Variants in NEURL4 observed in about 807,000 individuals in gnomAD.
NEURL4 encodes the protein neuralized E3 ubiquitin protein ligase 4.
In NEURL4, 45 loss-of-function variants were observed where a neutral mutation model predicts 148.0. That is an observed-to-expected ratio of 0.30 (90% confidence interval 0.24 to 0.39). The LOEUF (loss-of-function observed/expected upper bound fraction) is 0.39, where lower values mean the gene tolerates loss of function less well. Ranked by LOEUF, NEURL4 falls within the 10% of genes least tolerant of loss-of-function variation. The pLI is 1.00. For synonymous variants in NEURL4, 854 were observed against 869.0 expected (o/e 0.98, Z 0.30); for missense variants, 1,776 against 2,144.0 (o/e 0.83, Z 3.39).
Position 7,324,872 on chromosome 17 carries a change from G to A in NEURL4, c.1740C>T (p.Ser580=), listed in dbSNP as rs1411709235. ...IDKMVDKWAG[S]IEIGVTTHNP... is the part of the protein sequence containing the mutation. ...TGTGGGTGGTGACACCAATTTCAAT[G>A]GAGCCAGCCCATTTGTCCACCATCT... Residue 580 remains serine, a synonymous_variant, in exon 9 of 29, where the codon TCC becomes TCT. Coordinates refer to ENST00000399464, the MANE Select transcript of NEURL4 (RefSeq NM_032442.3). The surrounding 1 kb of genome is among the most constrained non-coding windows in gnomAD (Gnocchi z 5.9). 4 of 1,614,054 alleles carry A rather than the reference G, an allele frequency of 2.5e-6. No homozygotes were observed. In the East Asian group the frequency reaches 8.9e-5, roughly 36 times the overall value.
intron 28 of NEURL4, among the ~76,000 whole-genome samples, chr17:7,316,581 C>G (rs1422920762): frequency 1.3e-5 from 2 of 152,364 alleles, no homozygotes; most frequent in Non-Finnish European, 2.9e-5. Flanking sequence ...GCACTGCTGT[C>G]TCCGCCCCAT....
rs2143013590 is a variant in NEURL4, at chr17:7,327,304, C to A, written c.728-74G>T. 6.8e-7 allele frequency: 1 copy of A among 1,479,680 alleles called. No homozygotes were observed. Among genetic ancestry groups the A allele is most frequent in the Non-Finnish European group, 9.1e-7 (1 of 1,101,320 alleles). 91.7% of individuals were successfully genotyped at this position (1,479,680 alleles called of 1,614,324 possible). Reference sequence around the variant, plus strand: ...CACGGCCCATAGCCAGGAGAACCCCCCATCCTCTAGCTCCTGCTCTCCCAT... The same window carrying A: ...CACGGCCCATAGCCAGGAGAACCCCACATCCTCTAGCTCCTGCTCTCCCAT... On this transcript the variant is annotated intron_variant, in intron 2 of 28. Coordinates refer to ENST00000399464, the MANE Select transcript of NEURL4 (RefSeq NM_032442.3). The surrounding 1 kb of genome is among the most constrained non-coding windows in gnomAD (Gnocchi z 6.6).
Position 7,318,039 on chromosome 17 carries a change from C to T in NEURL4, c.4060+26G>A. On this transcript the variant is annotated intron_variant, in intron 25 of 28. Coordinates refer to ENST00000399464, the MANE Select transcript of NEURL4 (RefSeq NM_032442.3). This position sits in a 1 kb window ranked among gnomAD's most constrained non-coding sequence, Gnocchi z 4.3. ...CTAGGCCTGGCCCTGGGAATGAAGTCAGTTCTGGCGGACTGTGGGACTCAC... is the reference window on the plus strand; with the variant it reads ...CTAGGCCTGGCCCTGGGAATGAAGTTAGTTCTGGCGGACTGTGGGACTCAC... The T allele has an allele frequency of 1.2e-6, 2 of 1,613,894 alleles. No homozygotes were observed. Among genetic ancestry groups the T allele is most frequent in the Non-Finnish European group, 8.5e-7 (1 of 1,179,780 alleles).
Position 7,324,760 on chromosome 17 carries a change from C to A in NEURL4, c.1813+39G>T, listed in dbSNP as rs1444527809. ...CAGGGCTTTGGGGATAGCTTCCCCC[C>A]AAAACCCTATCCTGTCCCTGCCCTT... is the stretch of plus-strand genomic sequence containing the variant. On this transcript the variant is annotated intron_variant, in intron 9 of 28. Transcript: ENST00000399464. This position sits in a 1 kb window ranked among gnomAD's most constrained non-coding sequence, Gnocchi z 5.9. 1.1e-5 allele frequency: 17 copies of A among 1,607,182 alleles called. No individual in the cohort carries two copies. The highest frequency in any genetic ancestry group is 1.4e-5 in the Non-Finnish European group (17 of 1,174,382).
In NEURL4 at chr17:7,321,472, T is replaced by G. The variant is rs1215813419; in HGVS notation, c.3100-13A>C. Reference sequence around the variant, plus strand: ...CACGGCTCCCCACCTAGGACCGAGGTAGGACAAGGACGGACGATGTTCAGC... The same window carrying G: ...CACGGCTCCCCACCTAGGACCGAGGGAGGACAAGGACGGACGATGTTCAGC... On this transcript the variant is annotated splice_polypyrimidine_tract_variant and intron_variant, in intron 18 of 28. Coordinates refer to ENST00000399464, the MANE Select transcript of NEURL4 (RefSeq NM_032442.3). The surrounding 1 kb of genome is among the most constrained non-coding windows in gnomAD (Gnocchi z 6.3). 9.3e-6 allele frequency: 15 copies of G among 1,613,532 alleles called. No homozygotes were observed. Among genetic ancestry groups the G allele is most frequent in the Non-Finnish European group, 1.1e-5 (13 of 1,179,820 alleles).
chr17:7,325,226 G>C lies in NEURL4; in HGVS notation c.1614C>G (p.Arg538=). ...GQKAAITHEG[R]TALRPHATDD... is the part of the protein sequence containing the mutation. ...GGCCATACTGGGGCCTCAGGGCAGT[G>C]CGTCCCTCGTGGGTGATGGCTGCCT... Residue 538 remains arginine, a synonymous_variant, in exon 8 of 29, where the codon CGC becomes CGG. Coordinates refer to ENST00000399464, the MANE Select transcript of NEURL4 (RefSeq NM_032442.3). 1.2e-6 allele frequency: 2 copies of C among 1,600,284 alleles called. No individual in the cohort carries two copies. Among genetic ancestry groups the C allele is most frequent in the Non-Finnish European group, 1.7e-6 (2 of 1,176,262 alleles).
Position 7,316,962 on chromosome 17 carries a change from G to A in NEURL4, c.4484+243C>T, listed in dbSNP as rs182840816. 1.3e-3 allele frequency among the ~76,000 whole-genome samples: 196 copies of A among 152,144 alleles called. 1 individual carries two copies. Among genetic ancestry groups the A allele is most frequent in the South Asian group, 8.7e-3 (42 of 4,816 alleles). On this transcript the variant is annotated intron_variant, in intron 28 of 28. Transcript: ENST00000399464. The stretch of plus-strand genomic sequence containing the variant: ...TAAATAAATAAATAATACTTATTAC[G>A]TATGAACATTGTAGAGAGAAAAGGC...
chr17:7,319,403 T>TAAAAAAAAAAAAAAAAAAAAAAAAAA lies in NEURL4; in HGVS notation c.3526-196_3526-195insTTTTTTTTTTTTTTTTTTTTTTTTTT, dbSNP rs71157274. On this transcript the variant is annotated intron_variant, in intron 21 of 28. Transcript: ENST00000399464. ...TTTTTTTTTTTTTTTTTTTTTTTTT[T>TAAAAAAAAAAAAAAAAAAAAAAAAAA]AAAAAAAAGAACCGCCAGCCGGGCA... Among the ~76,000 whole-genome samples, 3 of 131,440 alleles carry TAAAAAAAAAAAAAAAAAAAAAAAAAA rather than the reference T, an allele frequency of 2.3e-5. No homozygotes were observed. In the East Asian group the frequency reaches 6.6e-4, roughly 29 times the overall value. The allele number at this position is 131,440 out of a possible 152,430, so 86.2% of individuals were successfully genotyped here.
rs1567621644 is a variant in NEURL4 at position 7,324,020 on chromosome 17, AGT to A, written c.2063-10_2063-9del. The A allele has an allele frequency of 1.2e-6, 2 of 1,609,018 alleles. No individual in the cohort carries two copies. On this transcript the variant is annotated splice_polypyrimidine_tract_variant and intron_variant, in intron 11 of 28. Transcript: ENST00000399464. This position sits in a 1 kb window ranked among gnomAD's most constrained non-coding sequence, Gnocchi z 5.9. ...CAGGAACTGGAGCCACCTCTGTAAAAGTGGACATCACCCATCAGGTCTCTAGG... is the reference window on the plus strand; with the variant it reads ...CAGGAACTGGAGCCACCTCTGTAAAAGGACATCACCCATCAGGTCTCTAGG...
At position 7,326,759 on chromosome 17, in the gene NEURL4, A is replaced by G; in HGVS notation, c.1044T>C (p.Asn348=). Residue 348 remains asparagine (N), a synonymous_variant, in exon 4 of 29, where the codon AAT becomes AAC. Transcript: ENST00000399464. The surrounding 1 kb of genome is among the most constrained non-coding windows in gnomAD (Gnocchi z 6.0). ...ERRRPLDEFN[N]GVVMTNRPLR... The stretch of plus-strand genomic sequence containing the variant: ...GGGGGCGATTGGTCATGACAACCCC[A>G]TTGTTGAATTCATCCAGGGGCCGCC... 6.2e-7 allele frequency: 1 copy of G among 1,613,184 alleles called. No individual in the cohort carries two copies. The highest frequency in any genetic ancestry group is 8.5e-7 in the Non-Finnish European group (1 of 1,179,800).
chr17:7,323,755 A>G (rs1308480331), intron 12 of NEURL4, 32 bp from the exon 13 acceptor site: 1 of 1,613,856 alleles, frequency 6.2e-7, no homozygotes, highest in South Asian at 1.1e-5. Context: ...GAGAGGCTCT[A>G]CTTGCATGGC....
intron 1 of NEURL4, among the ~76,000 whole-genome samples, chr17:7,328,350 C>T (rs565922553): frequency 6.6e-6 from 1 of 152,374 alleles, no homozygotes; most frequent in South Asian, 2.1e-4. Flanking sequence ...CTCCCTCACC[C>T]TGGATCTTTC....
At position 7,322,760 on chromosome 17, in the gene NEURL4, C is replaced by G; in HGVS notation, c.2700G>C (p.Glu900Asp). ...CTGGGGAGTGCAGTGGGAAGGACTTCTCGGTGGCAGTGTTGCTGGTCGCCA... is the reference window on the plus strand; with the variant it reads ...CTGGGGAGTGCAGTGGGAAGGACTTGTCGGTGGCAGTGTTGCTGGTCGCCA... ...NSLATSNTATEKSFPLHSPVA... is the reference protein window; with the variant it reads ...NSLATSNTATDKSFPLHSPVA... The change falls in exon 16 of 29, where the codon GAG becomes GAC. Residue 900 changes from glutamate to aspartate, a missense_variant. Glu to Asp is a conservative substitution (Grantham distance 45). Transcript: ENST00000399464. The surrounding 1 kb of genome is among the most constrained non-coding windows in gnomAD (Gnocchi z 5.5). 1 of 1,613,144 alleles carries G rather than the reference C, an allele frequency of 6.2e-7. No homozygotes were observed. Among genetic ancestry groups the G allele is most frequent in the Non-Finnish European group, 8.5e-7 (1 of 1,180,008 alleles).
intron 13 of NEURL4, 36 bp downstream of exon 13, chr17:7,323,611 A>G: frequency 6.2e-7 from 1 of 1,613,924 alleles, no homozygotes; most frequent in Non-Finnish European, 8.5e-7. Flanking sequence ...AGGCACAGAC[A>G]TCCAACAGCC....
At position 7,324,531 on chromosome 17, in the gene NEURL4, C is replaced by T; in HGVS notation, c.1814-51G>A. 3 of 1,531,000 alleles carry T rather than the reference C, an allele frequency of 2.0e-6. No individual in the cohort carries two copies. The highest frequency in any genetic ancestry group is 2.7e-6 in the Non-Finnish European group (3 of 1,104,962). 94.8% of individuals were successfully genotyped at this position (1,531,000 alleles called of 1,614,324 possible). ...ACATGAGGGGAAATGCAGGGCTCCT[C>T]TCCTTGCCACAGCAGCGCCCACAGG... On this transcript the variant is annotated intron_variant, in intron 9 of 28. Transcript: ENST00000399464. This position sits in a 1 kb window ranked among gnomAD's most constrained non-coding sequence, Gnocchi z 5.9.
chr17:7,325,678 G>C lies in NEURL4; in HGVS notation c.1329C>G (p.Asn443Lys), dbSNP rs2073095398. ...GDHIGLTRKS[N>K]SALHFFINGI... Reference sequence around the variant, plus strand: ...CATTAATGAAGAAGTGTAGGGCAGAGTTGGACTTCCTTGTGAGGCCAATGT... The same window carrying C: ...CATTAATGAAGAAGTGTAGGGCAGACTTGGACTTCCTTGTGAGGCCAATGT... The change falls in exon 7 of 29, where the codon AAC (asparagine) becomes AAG (lysine). Residue 443 changes from asparagine (N) to lysine (K), a missense_variant. By Grantham distance (94) the Asn-to-Lys change is moderately conservative. Transcript: ENST00000399464. 1 of 1,613,790 alleles carries C rather than the reference G, an allele frequency of 6.2e-7. No individual in the cohort carries two copies. Among genetic ancestry groups the C allele is most frequent in the Admixed American group, 1.7e-5 (1 of 60,008 alleles).
In NEURL4 at chr17:7,324,305, G is replaced by T; in HGVS notation, c.1900-35C>A. ...AGGGGGTGCTGGAGTGAGGAGTCAG[G>T]CAGAGTTCCTGCCGGGGCTGGTCCT... On this transcript the variant is annotated intron_variant, in intron 10 of 28. Transcript: ENST00000399464. The surrounding 1 kb of genome is among the most constrained non-coding windows in gnomAD (Gnocchi z 5.9). 6.2e-7 allele frequency: 1 copy of T among 1,613,336 alleles called. No individual in the cohort carries two copies. Among genetic ancestry groups the T allele is most frequent in the East Asian group, 2.2e-5 (1 of 44,848 alleles).
chr17:7,324,833 G>A lies in NEURL4; in HGVS notation c.1779C>T (p.Leu593=). 6.2e-7 allele frequency: 1 copy of A among 1,614,210 alleles called. No individual in the cohort carries two copies. The highest frequency in any genetic ancestry group is 2.2e-5 in the East Asian group (1 of 44,886). ...AGTTGGTCATGGTGGAGGGCAACTG[G>A]AGGTAGGCAGGGTTGTGGGTGGTGA... The part of the protein sequence containing the change: ...IGVTTHNPAY[L]QLPSTMTNLR... Residue 593 remains leucine, a synonymous_variant, in exon 9 of 29, where the codon CTC becomes CTT. Coordinates refer to ENST00000399464, the MANE Select transcript of NEURL4 (RefSeq NM_032442.3). The surrounding 1 kb of genome is among the most constrained non-coding windows in gnomAD (Gnocchi z 5.9).
Position 7,321,535 on chromosome 17 carries a change from CT to C in NEURL4, c.3099+24del, listed in dbSNP as rs754129507. 6.2e-7 allele frequency: 1 copy of C among 1,613,458 alleles called. No homozygotes were observed. Among genetic ancestry groups the C allele is most frequent in the South Asian group, 1.1e-5 (1 of 91,032 alleles). ...GCCACCTCCACTCCCAACCCCTCCC[CT>C]GTCCCTGGAGCCAGCCACTTCACCC... On this transcript the variant is annotated intron_variant, in intron 18 of 28. Coordinates refer to ENST00000399464, the MANE Select transcript of NEURL4 (RefSeq NM_032442.3). The surrounding 1 kb of genome is among the most constrained non-coding windows in gnomAD (Gnocchi z 6.3).
Sources: gnomAD v4.1 joint callset for allele counts (sites outside exome capture counted in the v4.1 genomes callset) on GRCh38, gnomAD v4.1.1 for gene constraint, Gnocchi (gnomAD v3.1) non-coding constraint, MANE v1.5 for transcripts, NCBI Gene and HGNC (gene_info 2026-07-23, HGNC 2026-07-21) for gene names.